TAS2R1: variants seen among roughly 807,000 people sequenced by gnomAD.
TAS2R1 encodes taste receptor type 2 member 1.
For missense variants in TAS2R1, 370 were observed against 353.4 expected, an observed-to-expected ratio of 1.05 and a Z score of -0.38; for synonymous variants, 141 against 134.2, an observed-to-expected ratio of 1.05 and a Z score of -0.35.
rs752698618 is a variant in TAS2R1 at position 9,629,334 on chromosome 5, G to C, written c.699C>G (p.Phe233Leu). Residue 233 changes from phenylalanine (F) to leucine (L), a missense_variant, in exon 1 of 1, where the codon TTC becomes TTG. Phe to Leu is a conservative substitution (Grantham distance 22). Coordinates refer to ENST00000382492, the MANE Select transcript of TAS2R1 (RefSeq NM_019599.3). ...TGCAGTGGGAGAAGTAGAGGATCAG[G>C]AAGGACAGGATAGACAGCAACGCGC... Reference protein sequence around the residue: ...PISALLSILSFLILYFSHCMI... With the variant: ...PISALLSILSLLILYFSHCMI... 3 of 1,613,750 alleles carry C rather than the reference G, an allele frequency of 1.9e-6. No individual in the cohort carries two copies. In the East Asian group the frequency reaches 6.7e-5, roughly 36 times the overall value.
chr5:9,902,805 T>A, the TAS2R1 span: 1 of 151,590 alleles, frequency 6.6e-6, no homozygotes, highest in African/African-American at 2.4e-5. Context: ...CACCTCCCCA[T>A]ACCCCTCACC....
intron 1 of TAS2R1, among the ~76,000 whole-genome samples, chr5:9,685,697 C>T (rs1051156195): frequency 3.3e-5 from 5 of 152,208 alleles, no homozygotes; most frequent in African/African-American, 1.2e-4. Context: ...GATACAATGA[C>T]ATGCTCCAGT....
chr5:9,902,942 T>C, the TAS2R1 span, among the ~76,000 whole-genome samples: 919 of 152,060 alleles, frequency 6.0e-3, 10 homozygotes, highest in African/African-American at 0.02. Flanking sequence ...CAGATAATTC[T>C]TTTTTAAAAA....
At chr5:9,857,645 C>T in the TAS2R1 span, among the ~76,000 whole-genome samples, 1 of 152,096 alleles carries the variant, frequency 6.6e-6, no homozygotes, top group East Asian at 1.9e-4. Flanking sequence ...GTTTGTATAT[C>T]TCCATGTCTT....
chr5:9,689,238 C>T (rs1000738748), intron 1 of TAS2R1, among the ~76,000 whole-genome samples: 10 of 152,256 alleles, frequency 6.6e-5, no homozygotes, highest in Admixed American at 4.6e-4. Context: ...TGACCTTTAA[C>T]ATTTCTGCTT....
At chr5:9,781,337 G>A in the TAS2R1 span, among the ~76,000 whole-genome samples, 1 of 152,086 alleles carries the variant, frequency 6.6e-6, no homozygotes, top group Non-Finnish European at 1.5e-5. Context: ...AATCCTGCTG[G>A]CTCCGACATC....
upstream of TAS2R1, among the ~76,000 whole-genome samples, chr5:9,633,402 T>C (rs568769376): frequency 1.4e-3 from 218 of 150,698 alleles, no homozygotes; most frequent in Middle Eastern, 6.8e-3. Context: ...TGTGCTGCTA[T>C]AAACATGCAT....
the TAS2R1 span, among the ~76,000 whole-genome samples, chr5:9,840,025 G>T: frequency 4.0e-4 from 61 of 152,274 alleles, no homozygotes; most frequent in African/African-American, 1.3e-3. Flanking sequence ...CTTTGAATGG[G>T]TTGTGATTAC....
At chr5:9,633,568 G>A (rs1442201648), upstream of TAS2R1, among the ~76,000 whole-genome samples, 1 of 151,822 alleles carries the variant, frequency 6.6e-6, no homozygotes, top group Admixed American at 6.6e-5. Context: ...CCCACCAGCA[G>A]TGTAAATGTG....
At chr5:9,774,944 T>G in the TAS2R1 span, among the ~76,000 whole-genome samples, 438 of 152,332 alleles carry the variant, frequency 2.9e-3, 2 homozygotes, top group African/African-American at 0.01. Context: ...ACCACCAATA[T>G]TCACTCAAGG....
At chr5:9,687,505 C>T (rs1009218083) in intron 1 of TAS2R1, among the ~76,000 whole-genome samples, 5 of 152,040 alleles carry the variant, frequency 3.3e-5, no homozygotes, top group African/African-American at 1.2e-4. Context: ...TCTGACCATT[C>T]GCCCCACCCC....
intron 1 of TAS2R1, among the ~76,000 whole-genome samples, chr5:9,710,424 C>T (rs887077734): frequency 6.6e-6 from 1 of 152,194 alleles, no homozygotes; most frequent in Admixed American, 6.5e-5. Context: ...CTTTTTGATC[C>T]CTGCATGAAC....
rs754021033 is a variant in TAS2R1 at position 9,630,079 on chromosome 5, GT to G, written c.-48del. ...ACTTAAAAAATAATGAAGTTATAAA[GT>G]TTTGGACAGGTTGGGTTGTTCACGC... On this transcript the variant is annotated 5_prime_UTR_variant, in exon 1 of 1. The change abolishes the stop of an existing upstream ORF in the 5' untranslated region. Transcript: ENST00000382492. The G allele has an allele frequency of 1.0e-5, 15 of 1,463,874 alleles. No homozygotes were observed. Among genetic ancestry groups the G allele is most frequent in the Non-Finnish European group, 1.4e-5 (15 of 1,104,104 alleles). The allele number at this position is 1,463,874 out of a possible 1,614,324, so 90.7% of individuals were successfully genotyped here.
the TAS2R1 span, among the ~76,000 whole-genome samples, chr5:9,802,136 C>T: frequency 6.6e-6 from 1 of 152,184 alleles, no homozygotes; most frequent in East Asian, 1.9e-4. Flanking sequence ...AACCAACACA[C>T]TAAACCAAAA....
chr5:9,772,169 T>G, the TAS2R1 span, among the ~76,000 whole-genome samples: 1 of 152,140 alleles, frequency 6.6e-6, no homozygotes, highest in African/African-American at 2.4e-5. Context: ...TAGTACTGTT[T>G]TTGCTATATC....
chr5:9,773,886 T>C, the TAS2R1 span, among the ~76,000 whole-genome samples: 18 of 152,202 alleles, frequency 1.2e-4, no homozygotes, highest in African/African-American at 4.3e-4. Flanking sequence ...TTAAATGTCT[T>C]GATGTAGTCT....
chr5:9,635,556 A>C (rs920951595), intron 2 of TAS2R1, among the ~76,000 whole-genome samples: 1 of 151,656 alleles, frequency 6.6e-6, no homozygotes, highest in Non-Finnish European at 1.5e-5. Context: ...GATAGAATTC[A>C]GCTGTGAACA....
the TAS2R1 span, among the ~76,000 whole-genome samples, chr5:9,855,581 T>C: frequency 1.3e-5 from 2 of 152,206 alleles, no homozygotes; most frequent in Non-Finnish European, 2.9e-5. Context: ...GGCAAATGCC[T>C]GAATGATCCC....
the TAS2R1 span, among the ~76,000 whole-genome samples, chr5:9,882,218 G>A: frequency 3.3e-5 from 5 of 152,058 alleles, no homozygotes; most frequent in African/African-American, 1.2e-4. Flanking sequence ...CTCAAAAGAA[G>A]ACATTTATGT....
Sources: allele counts gnomAD v4.1 joint callset (sites outside exome capture counted in the v4.1 genomes callset), GRCh38; gene constraint gnomAD v4.1.1; transcripts MANE v1.5; gene names NCBI Gene and HGNC (gene_info 2026-07-23, HGNC 2026-07-21).